The following PLXNA4 variants were observed in gnomAD, a reference collection of about 807,000 sequenced individuals.
The protein encoded by PLXNA4 is plexin A4.
Under a neutral mutation model 191.8 loss-of-function variants are expected in PLXNA4, and 44 were observed. That is an observed-to-expected ratio of 0.23 (90% CI 0.18 to 0.29). The LOEUF (loss-of-function observed/expected upper bound fraction) is 0.29, where lower values mean the gene tolerates loss of function less well. Among genes scored for constraint, PLXNA4 ranks in the 10% least tolerant of loss-of-function variants. The pLI is 1.00. For synonymous variants in PLXNA4, 1,082 were observed against 1,009.5 expected (o/e 1.07, Z -1.36); for missense variants, 1,800 against 2,488.8 (o/e 0.72, Z 5.89).
intron 1 of PLXNA4, among the ~76,000 whole-genome samples, chr7:132,570,135 G>C (rs191914616): frequency 6.6e-6 from 1 of 152,168 alleles, no homozygotes; most frequent in Admixed American, 6.5e-5. Context: ...TTACACCCAG[G>C]GTTTTGCAAA....
intron 3 of PLXNA4, among the ~76,000 whole-genome samples, chr7:132,403,195 G>A (rs554558305): frequency 6.6e-6 from 1 of 152,294 alleles, no homozygotes; most frequent in East Asian, 1.9e-4. Context: ...AGACTCAGAG[G>A]CCCTGACGCC....
chr7:132,311,641 C>T (rs1801745300), intron 3 of PLXNA4, among the ~76,000 whole-genome samples: 1 of 152,136 alleles, frequency 6.6e-6, no homozygotes, highest in Non-Finnish European at 1.5e-5. Flanking sequence ...CATAGATCAC[C>T]ACCCCTTATT....
At chr7:132,398,505 G>A (rs1160046447) in intron 3 of PLXNA4, among the ~76,000 whole-genome samples, 2 of 152,156 alleles carry the variant, frequency 1.3e-5, no homozygotes, top group Non-Finnish European at 2.9e-5. Context: ...CCGGTCTGAC[G>A]GGAACCCCAG....
At chr7:132,359,174 C>T (rs1003548902) in intron 3 of PLXNA4, among the ~76,000 whole-genome samples, 6 of 150,682 alleles carry the variant, frequency 4.0e-5, no homozygotes, top group African/African-American at 1.5e-4. Flanking sequence ...TTATGTTCAG[C>T]CCCCTCCTAT....
intron 3 of PLXNA4, among the ~76,000 whole-genome samples, chr7:132,311,201 T>TGTGTGTGTGTGTGTGTGTGTGC (rs1327681030): frequency 2.1e-4 from 28 of 133,514 alleles, no homozygotes; most frequent in African/African-American, 7.5e-4. Context: ...TGTGCGCGTG[T>TGTGTGTGTGTGTGTGTGTGTGC]GGCCTAAAGG....
chr7:132,420,535 A>G (rs1414870075), intron 3 of PLXNA4, among the ~76,000 whole-genome samples: 1 of 152,212 alleles, frequency 6.6e-6, no homozygotes, highest in Non-Finnish European at 1.5e-5. Flanking sequence ...TGCACAACAA[A>G]AAGTTCTTTG....
intron 3 of PLXNA4, among the ~76,000 whole-genome samples, chr7:132,407,876 A>C (rs1244160813): frequency 6.6e-6 from 1 of 152,230 alleles, no homozygotes; most frequent in African/African-American, 2.4e-5. Context: ...GCAAAGACTT[A>C]ATAAAATTTC....
At chr7:132,204,902 C>T (rs1355970815) in intron 10 of PLXNA4, among the ~76,000 whole-genome samples, 2 of 152,184 alleles carry the variant, frequency 1.3e-5, no homozygotes, top group African/African-American at 2.4e-5. Context: ...GGGGATGTAC[C>T]TCCAGCCACT....
chr7:132,597,355 C>T (rs182218063), intron 2 of PLXNA4, among the ~76,000 whole-genome samples: 2 of 152,322 alleles, frequency 1.3e-5, no homozygotes, highest in Admixed American at 1.3e-4. Flanking sequence ...ATTTGTGTCA[C>T]TATTCTATCA....
chr7:132,264,109 C>T (rs749354012), intron 4 of PLXNA4: 5 of 151,912 alleles, frequency 3.3e-5, no homozygotes, highest in Admixed American at 1.3e-4. Context: ...ACTGAAGAAG[C>T]AAGAACGTTA....
At position 132,366,038 on chromosome 7, in the gene PLXNA4, T is replaced by G. The variant is rs139781435; in HGVS notation, c.1372-67816A>C. The G allele has an allele frequency of 6.6e-5, 10 of 152,304 alleles. No individual in the cohort carries two copies. The East Asian group carries it at 1.7e-3, about 27-fold the overall frequency. 9.4% of individuals were successfully genotyped at this position (152,304 alleles called of 1,614,324 possible). A position where few individuals can be genotyped will look rare whatever the true frequency, so the allele number is the denominator to read the frequency against. On this transcript the variant is annotated intron_variant, in intron 3 of 31. Coordinates refer to ENST00000321063, the MANE Select transcript of PLXNA4 (RefSeq NM_020911.2). Reference sequence around the variant, plus strand: ...ATATTAAGAGAAATTGGAAGAAACCTGTAATCCAATCATGAAGCCGGGGAT... The same window carrying G: ...ATATTAAGAGAAATTGGAAGAAACCGGTAATCCAATCATGAAGCCGGGGAT...
At chr7:132,417,875 C>T (rs368624823) in intron 3 of PLXNA4, among the ~76,000 whole-genome samples, 1 of 152,118 alleles carries the variant, frequency 6.6e-6, no homozygotes, top group East Asian at 1.9e-4. Flanking sequence ...CTCTGGGCCC[C>T]CTATCTACCT....
intron 1 of PLXNA4, among the ~76,000 whole-genome samples, chr7:132,557,783 T>C (rs919092394): frequency 6.6e-6 from 1 of 152,078 alleles, no homozygotes; most frequent in African/African-American, 2.4e-5. Flanking sequence ...CACCAAGACA[T>C]GGACATCACT....
chr7:132,129,794 TC>T lies in PLXNA4; in HGVS notation c.*684del, dbSNP rs1794874254. On this transcript the variant is annotated 3_prime_UTR_variant, in exon 32 of 32. Transcript: ENST00000321063. ...CGGGGGAGCAGGCAGGGCAGGCAGG[TC>T]CCTCTGGAGACCTGGAAAAGGACAG... is the stretch of plus-strand genomic sequence containing the variant. The T allele has an allele frequency of 6.6e-6, 1 of 152,568 alleles. No homozygotes were observed. Among genetic ancestry groups the T allele is most frequent in the Non-Finnish European group, 1.5e-5 (1 of 68,140 alleles). The allele number at this position is 152,568 out of a possible 1,614,324, so 9.5% of individuals were successfully genotyped here.
chr7:132,518,173 G>A (rs755953657), intron 1 of PLXNA4, among the ~76,000 whole-genome samples: 11 of 152,130 alleles, frequency 7.2e-5, no homozygotes, highest in Non-Finnish European at 1.2e-4. Flanking sequence ...AGCTCCATTC[G>A]TCCCGGCCTT....
At chr7:132,635,837 C>T (rs1478692387) in intron 2 of PLXNA4, among the ~76,000 whole-genome samples, 1 of 152,098 alleles carries the variant, frequency 6.6e-6, no homozygotes, top group East Asian at 1.9e-4. Context: ...GGAAGTTCCA[C>T]GTTTAATACT....
chr7:132,584,191 TAGG>T (rs1802464131), intron 2 of PLXNA4, among the ~76,000 whole-genome samples: 2 of 152,116 alleles, frequency 1.3e-5, no homozygotes, highest in Admixed American at 1.3e-4. Flanking sequence ...AGGGTCAGAG[TAGG>T]AGTTTCTTTC....
At chr7:132,543,776 C>G (rs1800179124) in intron 1 of PLXNA4, among the ~76,000 whole-genome samples, 1 of 152,214 alleles carries the variant, frequency 6.6e-6, no homozygotes, top group Non-Finnish European at 1.5e-5. Flanking sequence ...TCCTTGGGAG[C>G]TATACTTGAG....
At chr7:132,178,843 T>C (rs199785223) in intron 20 of PLXNA4, among the ~76,000 whole-genome samples, 6,238 of 41,994 alleles carry the variant, frequency 0.15, 755 homozygotes, top group South Asian at 0.39. Context: ...CATACACATA[T>C]ATACACACAC....
Sources: allele counts gnomAD v4.1 joint callset (sites outside exome capture counted in the v4.1 genomes callset), GRCh38; gene constraint gnomAD v4.1.1; transcripts MANE v1.5; gene names NCBI Gene and HGNC (gene_info 2026-07-23, HGNC 2026-07-21).